Variants in CADPS2 observed in about 807,000 individuals in gnomAD.
CADPS2 encodes the protein calcium-dependent secretion activator 2.
CADPS2 carries 93 observed loss-of-function variants against 172.5 expected under a neutral mutation model. That is an observed-to-expected ratio of 0.54 (90% CI 0.46 to 0.64). The LOEUF is 0.64. Ranked by LOEUF, CADPS2 falls within the 30% of genes least tolerant of loss-of-function variation. The pLI, the probability that CADPS2 is intolerant of heterozygous loss-of-function variation, is 0.00. For missense variants in CADPS2, 1,420 were observed against 1,565.9 expected (o/e 0.91, Z 1.57); for synonymous variants, 546 against 555.2 (o/e 0.98, Z 0.23).
intron 1 of CADPS2, among the ~76,000 whole-genome samples, chr7:122,807,584 A>C (rs937322262): frequency 1.3e-5 from 2 of 152,216 alleles, no homozygotes; most frequent in African/African-American, 4.8e-5. Context: ...ATATAACAAA[A>C]TGCCACAGAC....
intron 1 of CADPS2, among the ~76,000 whole-genome samples, chr7:122,875,253 AG>A (rs978526473): frequency 6.6e-6 from 1 of 152,214 alleles, no homozygotes; most frequent in African/African-American, 2.4e-5. Flanking sequence ...CTCCACCAAA[AG>A]AAAGTAAAAT....
intron 18 of CADPS2, 84 bp downstream of exon 18, chr7:122,415,977 T>C (rs1585801386): frequency 2.7e-6 from 2 of 740,820 alleles, no homozygotes; most frequent in East Asian, 2.7e-5. Context: ...ATCAAGACTA[T>C]GGGCAGGCCA....
chr7:122,561,332 C>CT (rs796643597), intron 7 of CADPS2, among the ~76,000 whole-genome samples: 311 of 4,202 alleles, frequency 0.074, 3 homozygotes, highest in African/African-American at 0.14. Flanking sequence ...CTTCTATACA[C>CT]TTTTTTTTTT....
intron 1 of CADPS2, among the ~76,000 whole-genome samples, chr7:122,786,879 T>C (rs1794173279): frequency 6.6e-6 from 1 of 152,064 alleles, no homozygotes; most frequent in Non-Finnish European, 1.5e-5. Context: ...TTGTGACCCA[T>C]CCTCCCAGCC....
chr7:122,808,813 T>C (rs1013438343), intron 1 of CADPS2, among the ~76,000 whole-genome samples: 2 of 152,200 alleles, frequency 1.3e-5, no homozygotes, highest in Non-Finnish European at 2.9e-5. Context: ...ACTAGATTGG[T>C]TACTGTTTCT....
At chr7:122,645,726 G>A (rs1048634401) in intron 3 of CADPS2, among the ~76,000 whole-genome samples, 11 of 135,830 alleles carry the variant, frequency 8.1e-5, no homozygotes, top group Non-Finnish European at 1.4e-4. Flanking sequence ...AAAAAACTGC[G>A]GTAATAAAGA....
rs539332633 is a variant in CADPS2, at chr7:122,433,763, C to T, written c.2476+4578G>A. On this transcript the variant is annotated intron_variant, in intron 17 of 29. Transcript: ENST00000449022. ...ATAAAAGTATATTTCCTAGAGTTGCCGACCTGTACAGTTGACCAGTGGTAT... is the reference window on the plus strand; with the variant it reads ...ATAAAAGTATATTTCCTAGAGTTGCTGACCTGTACAGTTGACCAGTGGTAT... 3.6e-4 allele frequency among the ~76,000 whole-genome samples: 55 copies of T among 152,210 alleles called. 1 individual carries two copies. In the South Asian group the frequency reaches 0.011, roughly 31 times the overall value.
intron 8 of CADPS2, among the ~76,000 whole-genome samples, chr7:122,521,175 A>G (rs1416391610): frequency 6.6e-6 from 1 of 152,158 alleles, no homozygotes; most frequent in Non-Finnish European, 1.5e-5. Flanking sequence ...TGCAGGCTCA[A>G]AAATCTGGGC....
intron 24 of CADPS2, chr7:122,386,459 C>T: frequency 2.1e-6 from 1 of 471,996 alleles, no homozygotes. Context: ...TCAATTTTCA[C>T]CCAATCACCA....
chr7:122,810,854 A>G (rs1392048688), intron 1 of CADPS2, among the ~76,000 whole-genome samples: 1 of 152,146 alleles, frequency 6.6e-6, no homozygotes, highest in Admixed American at 6.5e-5. Flanking sequence ...CTGGCCTCTC[A>G]AAGTTCTGGG....
At chr7:122,702,538 C>T (rs1231175354) in intron 2 of CADPS2, 13 of 1,613,630 alleles carry the variant, frequency 8.1e-6, no homozygotes, top group Non-Finnish European at 1.0e-5. Context: ...CCACACCAGA[C>T]ACCCTTTCCA....
chr7:122,447,793 G>A (rs2052490588), intron 15 of CADPS2, among the ~76,000 whole-genome samples: 1 of 151,532 alleles, frequency 6.6e-6, no homozygotes. Context: ...CCTCAAGTAT[G>A]TCACCCACCT....
intron 1 of CADPS2, among the ~76,000 whole-genome samples, chr7:122,881,766 C>T (rs1822991638): frequency 6.6e-6 from 1 of 152,156 alleles, no homozygotes; most frequent in Admixed American, 6.5e-5. Flanking sequence ...TTTGAATTCA[C>T]TAGTTTTACA....
At chr7:122,878,640 A>AAATAAATG (rs1372443388) in intron 1 of CADPS2, among the ~76,000 whole-genome samples, 5 of 5,878 alleles carry the variant, frequency 8.5e-4, no homozygotes, top group Non-Finnish European at 1.4e-3. Context: ...ACTCTGTCTC[A>AAATAAATG]AATAAATAAA....
At chr7:122,800,649 C>T (rs2139932519) in intron 1 of CADPS2, among the ~76,000 whole-genome samples, 1 of 152,134 alleles carries the variant, frequency 6.6e-6, no homozygotes, top group East Asian at 1.9e-4. Context: ...AATAATAGAG[C>T]TAGTATAGTA....
At position 122,428,331 on chromosome 7, in the gene CADPS2, A is replaced by C. The variant is rs146090923; in HGVS notation, c.2476+10010T>G. On this transcript the variant is annotated intron_variant, in intron 17 of 29. Coordinates refer to ENST00000449022, the MANE Select transcript of CADPS2 (RefSeq NM_017954.11). ...GTCACTGTATTCTTTAACACCATGC[A>C]CTCAAGTAAAAGAAAAAGCCAGTAT... is the stretch of plus-strand genomic sequence containing the variant. Among the ~76,000 whole-genome samples, 403 of 152,176 alleles carry C rather than the reference A, an allele frequency of 2.6e-3. 7 individuals are homozygous for C. Among genetic ancestry groups the C allele is most frequent in the Admixed American group, 0.022 (330 of 15,286 alleles).
At chr7:122,525,549 A>C (rs1563595025) in intron 8 of CADPS2, among the ~76,000 whole-genome samples, 3 of 152,176 alleles carry the variant, frequency 2.0e-5, no homozygotes, top group Admixed American at 6.6e-5. Context: ...CTCTGATATC[A>C]TCCTTTGGCT....
intron 29 of CADPS2, among the ~76,000 whole-genome samples, chr7:122,323,873 T>TTATA (rs71159788): frequency 1.9e-3 from 209 of 112,246 alleles, no homozygotes; most frequent in African/African-American, 7.1e-3. Context: ...TATGTATATT[T>TTATA]TATATATATA....
At chr7:122,761,724 G>A (rs2093386308) in intron 1 of CADPS2, among the ~76,000 whole-genome samples, 1 of 151,714 alleles carries the variant, frequency 6.6e-6, no homozygotes, top group South Asian at 2.1e-4. Flanking sequence ...GCCAGGCATG[G>A]TGGCTCACAC....
Sources: gnomAD v4.1 joint callset for allele counts (sites outside exome capture counted in the v4.1 genomes callset) on GRCh38, gnomAD v4.1.1 for gene constraint, MANE v1.5 for transcripts, NCBI Gene and HGNC (gene_info 2026-07-23, HGNC 2026-07-21) for gene names.